The following ACOX3 variants were observed in gnomAD, a reference collection of about 807,000 sequenced individuals.
ACOX3 encodes the protein peroxisomal acyl-coenzyme A oxidase 3.
Under a neutral mutation model 81.5 loss-of-function variants are expected in ACOX3, and 73 were observed. The observed-to-expected ratio is 0.90, with a 90% CI of 0.74 to 1.09. ACOX3 has a LOEUF of 1.09. ACOX3 is among the 50% of genes least tolerant of loss of function. The probability of loss-of-function intolerance (pLI) is 0.00; values close to 1 mark genes in which losing one functional copy is unlikely to be tolerated. For missense variants in ACOX3, 947 were observed against 928.0 expected, an observed-to-expected ratio of 1.02 and a Z score of -0.27; for synonymous variants, 387 against 375.1, an observed-to-expected ratio of 1.03 and a Z score of -0.37.
chr4:8,376,500 G>T (rs924341982), intron 14 of ACOX3, among the ~76,000 whole-genome samples: 18 of 152,186 alleles, frequency 1.2e-4, no homozygotes, highest in African/African-American at 4.3e-4. Flanking sequence ...ACGGCAGCAG[G>T]GTCTCCAGTC....
rs534991981 is a variant in ACOX3, at chr4:8,414,979, G to C, written c.379-51C>G. ...ACAGGGGGCAGGTAAGAAGAGTACT[G>C]CTCTTCCGGAACATCACAACAGACA... On this transcript the variant is annotated intron_variant, in intron 3 of 17. Transcript: ENST00000356406. The surrounding 1 kb of genome is among the most constrained non-coding windows in gnomAD (Gnocchi z 6.1). 4.7e-5 allele frequency: 71 copies of C among 1,516,830 alleles called. No homozygotes were observed. In the South Asian group the frequency reaches 7.4e-4, roughly 16 times the overall value. The allele number at this position is 1,516,830 out of a possible 1,614,324, so 94.0% of individuals were successfully genotyped here.
At chr4:8,404,384 C>A (rs1166210799) in intron 7 of ACOX3, among the ~76,000 whole-genome samples, 1 of 151,636 alleles carries the variant, frequency 6.6e-6, no homozygotes, top group Non-Finnish European at 1.5e-5. Context: ...GAACCCAGAA[C>A]TCTGCAGGAC....
In ACOX3 at chr4:8,406,180, T is replaced by C. The variant is rs1278953515; in HGVS notation, c.688-137A>G. On this transcript the variant is annotated intron_variant, in intron 6 of 17. Coordinates refer to ENST00000356406, the MANE Select transcript of ACOX3 (RefSeq NM_003501.3). This position sits in a 1 kb window ranked among gnomAD's most constrained non-coding sequence, Gnocchi z 5.6. ...TGTGGGTTAAACCATCCTCCAGAAA[T>C]GATACATCCAAGTCCTAACCCCAGG... is the stretch of plus-strand genomic sequence containing the variant. 6.5e-6 allele frequency: 5 copies of C among 767,968 alleles called. No homozygotes were observed. In the African/African-American group the frequency reaches 8.6e-5, roughly 13 times the overall value. 47.6% of individuals were successfully genotyped at this position (767,968 alleles called of 1,614,324 possible).
intron 14 of ACOX3, among the ~76,000 whole-genome samples, chr4:8,375,664 C>G (rs984965962): frequency 6.6e-6 from 1 of 152,248 alleles, no homozygotes; most frequent in African/African-American, 2.4e-5. Context: ...AGGCTTCTCT[C>G]CCTCTCCCCC....
rs1724008037 is a variant in ACOX3, at chr4:8,432,393, C to A, written c.-15+8255G>T. On this transcript the variant is annotated intron_variant, in intron 1 of 17. Coordinates refer to ENST00000356406, the MANE Select transcript of ACOX3 (RefSeq NM_003501.3). This position sits in a 1 kb window ranked among gnomAD's most constrained non-coding sequence, Gnocchi z 6.2. ...GGACTACAGGCGCCCACCACCACGCCCGGCTAATTTTTTGTATTTTTAGTA... is the reference window on the plus strand; with the variant it reads ...GGACTACAGGCGCCCACCACCACGCACGGCTAATTTTTTGTATTTTTAGTA... 6.6e-6 allele frequency among the ~76,000 whole-genome samples: 1 copy of A among 152,086 alleles called. No individual in the cohort carries two copies. The highest frequency in any genetic ancestry group is 6.5e-5 in the Admixed American group (1 of 15,276).
intron 17 of ACOX3, among the ~76,000 whole-genome samples, chr4:8,369,237 G>A (rs1467811251): frequency 6.6e-6 from 1 of 152,148 alleles, no homozygotes; most frequent in Non-Finnish European, 1.5e-5. Context: ...TCTGGCTCCA[G>A]TGTCCCTTCG....
In ACOX3 at chr4:8,397,076, G is replaced by C. The variant is rs369909452; in HGVS notation, c.917C>G (p.Ser306Trp). 1.3e-6 allele frequency: 2 copies of C among 1,596,418 alleles called. No homozygotes were observed. Among genetic ancestry groups the C allele is most frequent in the Non-Finnish European group, 1.7e-6 (2 of 1,172,778 alleles). ...CAGGCTCACGATGGAGACCCGGCCC[G>C]AGGACAGGCTCCCCAGGGACGCTCC... ...RFGASLGSLS[S>W]GRVSIVSLAI... is the part of the protein sequence containing the mutation. The change falls in exon 9 of 18, where the codon TCG becomes TGG. Residue 306 changes from serine to tryptophan, a missense_variant. Transcript: ENST00000356406.
intron 1 of ACOX3, among the ~76,000 whole-genome samples, 160 bp downstream of exon 1, chr4:8,440,488 A>G (rs989837626): frequency 2.0e-5 from 3 of 152,232 alleles, no homozygotes; most frequent in African/African-American, 7.2e-5. Context: ...AAGAGGACTC[A>G]TCTTTTACGT....
At chr4:8,369,314 G>A (rs916478325) in intron 17 of ACOX3, among the ~76,000 whole-genome samples, 23 of 152,102 alleles carry the variant, frequency 1.5e-4, no homozygotes, top group African/African-American at 5.6e-4. Flanking sequence ...GGTGGGTAGG[G>A]CAAGTCCCTC....
intron 16 of ACOX3, 133 bp downstream of exon 16, chr4:8,373,422 GTGACGC>G: frequency 1.2e-6 from 1 of 848,122 alleles, no homozygotes; most frequent in Admixed American, 2.1e-5. Flanking sequence ...TAGGCTCTGG[GTGACGC>G]TAAGGGGGTG....
rs911936638 is a variant in ACOX3 at position 8,405,896 on chromosome 4, C to G, written c.776+59G>C. On this transcript the variant is annotated intron_variant, in intron 7 of 17. Transcript: ENST00000356406. This position sits in a 1 kb window ranked among gnomAD's most constrained non-coding sequence, Gnocchi z 7.1. ...GGGCCAGTGAGATCTCAGACATGAG[C>G]GACAACGCAGCCTGGGCCTTGGCAG... is the stretch of plus-strand genomic sequence containing the variant. 6.6e-7 allele frequency: 1 copy of G among 1,525,228 alleles called. No individual in the cohort carries two copies. The allele number at this position is 1,525,228 out of a possible 1,614,324, so 94.5% of individuals were successfully genotyped here.
rs1578898255 is a variant in ACOX3, at chr4:8,389,867, G to A, written c.1301-133C>T. 2 of 1,186,212 alleles carry A rather than the reference G, an allele frequency of 1.7e-6. No individual in the cohort carries two copies. Among genetic ancestry groups the A allele is most frequent in the Non-Finnish European group, 2.4e-6 (2 of 848,386 alleles). The allele number at this position is 1,186,212 out of a possible 1,614,324, so 73.5% of individuals were successfully genotyped here. A position where few individuals can be genotyped will look rare whatever the true frequency, so the allele number is the denominator to read the frequency against. On this transcript the variant is annotated intron_variant, in intron 11 of 17. Coordinates refer to ENST00000356406, the MANE Select transcript of ACOX3 (RefSeq NM_003501.3). This position sits in a 1 kb window ranked among gnomAD's most constrained non-coding sequence, Gnocchi z 5.3. ...CACCTGTAATGGCAGCACTTTGGGG[G>A]GCCGAGGCGGGTGGATCACTTGAAG...
At chr4:8,360,432 AG>A in the ACOX3 span, among the ~76,000 whole-genome samples, 2 of 152,018 alleles carry the variant, frequency 1.3e-5, no homozygotes, top group Non-Finnish European at 2.9e-5. Flanking sequence ...TGAGATATTA[AG>A]TTTGCTAAAT....
chr4:8,363,694 G>C (rs1031444426), downstream of ACOX3, among the ~76,000 whole-genome samples: 2 of 152,190 alleles, frequency 1.3e-5, no homozygotes, highest in Non-Finnish European at 2.9e-5. Flanking sequence ...CACAGGATGA[G>C]ATGAGGTCGG....
At chr4:8,429,028 G>C (rs1300962341) in intron 1 of ACOX3, among the ~76,000 whole-genome samples, 31 of 152,142 alleles carry the variant, frequency 2.0e-4, no homozygotes, top group Non-Finnish European at 2.9e-5. Flanking sequence ...CCCTTTACTT[G>C]TTTTTCTTTG....
chr4:8,410,313 A>C lies in ACOX3; in HGVS notation c.586T>G (p.Trp196Gly). The part of the protein sequence containing the change: ...HSPDFEAAKF[W>G]VGNMGKTATH... The stretch of plus-strand genomic sequence containing the variant: ...GCTGTCTTGCCCATGTTGCCAACCC[A>C]AAACTTGGCAGCTTCGAAATCAGGG... Residue 196 changes from tryptophan (W) to glycine (G), a missense_variant, in exon 6 of 18, where the codon TGG becomes GGG. Trp to Gly is a radical substitution (Grantham distance 184, BLOSUM62 -2). Coordinates refer to ENST00000356406, the MANE Select transcript of ACOX3 (RefSeq NM_003501.3). 6.2e-7 allele frequency: 1 copy of C among 1,614,138 alleles called. No homozygotes were observed. The highest frequency in any genetic ancestry group is 1.1e-5 in the South Asian group (1 of 91,080).
intron 1 of ACOX3, among the ~76,000 whole-genome samples, chr4:8,420,060 G>A (rs1467713662): frequency 6.6e-6 from 1 of 152,144 alleles, no homozygotes; most frequent in Non-Finnish European, 1.5e-5. Flanking sequence ...CCTCAACTGT[G>A]CCCACCAAGC....
In ACOX3 at chr4:8,399,594, C is replaced by T. The variant is rs1302081593; in HGVS notation, c.835G>A (p.Asp279Asn). 1 of 1,614,190 alleles carries T rather than the reference C, an allele frequency of 6.2e-7. No individual in the cohort carries two copies. Among genetic ancestry groups the T allele is most frequent in the South Asian group, 1.1e-5 (1 of 91,084 alleles). ...ACATAGGTGCCCTCGGGGGTGACGT[C>T]TCCCATCCGGTTCAGAAGGCTCTGG... ...PRQSLLNRMG[D>N]VTPEGTYVSP... The change falls in exon 8 of 18, where the codon GAC (aspartate) becomes AAC (asparagine). Residue 279 changes from aspartate to asparagine, a missense_variant. By Grantham distance (23) the Asp-to-Asn change is conservative. Coordinates refer to ENST00000356406, the MANE Select transcript of ACOX3 (RefSeq NM_003501.3). This position sits in a 1 kb window ranked among gnomAD's most constrained non-coding sequence, Gnocchi z 4.9.
intron 8 of ACOX3, among the ~76,000 whole-genome samples, chr4:8,397,458 C>T (rs956311050): frequency 2.0e-5 from 3 of 152,326 alleles, no homozygotes; most frequent in South Asian, 4.1e-4. Flanking sequence ...CAAGGCCCAC[C>T]TTTAACCTTG....
Sources: allele counts gnomAD v4.1 joint callset (sites outside exome capture counted in the v4.1 genomes callset), GRCh38; gene constraint gnomAD v4.1.1; non-coding constraint Gnocchi (gnomAD v3.1); transcripts MANE v1.5; gene names NCBI Gene and HGNC (gene_info 2026-07-23, HGNC 2026-07-21).